The following PIK3C3 variants were observed in gnomAD, a reference collection of about 807,000 sequenced individuals.
The protein encoded by PIK3C3 is PI3-kinase type 3.
A neutral mutation model predicts 126.1 loss-of-function variants in PIK3C3; 95 were observed. That is an observed-to-expected ratio of 0.75 (90% CI 0.64 to 0.89). The LOEUF is 0.89. Among genes scored for constraint, PIK3C3 ranks in the 40% least tolerant of loss-of-function variants. PIK3C3 has a pLI of 0.00. For synonymous variants in PIK3C3, 374 were observed against 360.0 expected, an observed-to-expected ratio of 1.04 and a Z score of -0.44; for missense variants, 829 against 1,063.2, an observed-to-expected ratio of 0.78 and a Z score of 3.06.
At chr18:41,959,827 A>G (rs896360441) in intron 2 of PIK3C3, among the ~76,000 whole-genome samples, 1 of 152,194 alleles carries the variant, frequency 6.6e-6, no homozygotes, top group African/African-American at 2.4e-5. Context: ...AGACTAAGAG[A>G]AAACATTTGC....
At chr18:42,033,067 A>C (rs1215775726) in intron 15 of PIK3C3, among the ~76,000 whole-genome samples, 1 of 152,122 alleles carries the variant, frequency 6.6e-6, no homozygotes, top group Non-Finnish European at 1.5e-5. Context: ...TTTCCTTCTT[A>C]AAGAACAAAC....
intron 11 of PIK3C3, among the ~76,000 whole-genome samples, chr18:42,015,015 G>A (rs1046961849): frequency 2.6e-5 from 4 of 152,060 alleles, no homozygotes; most frequent in African/African-American, 9.7e-5. Flanking sequence ...ATTTTATGAT[G>A]GGGTGAAAAC....
chr18:41,968,913 G>A (rs189466574), intron 3 of PIK3C3, among the ~76,000 whole-genome samples: 127 of 151,948 alleles, frequency 8.4e-4, no homozygotes, highest in African/African-American at 2.7e-3. Context: ...GTCTTCCCAG[G>A]CTTAAGCAAT....
intron 11 of PIK3C3, among the ~76,000 whole-genome samples, chr18:42,014,436 CATT>C (rs750086158): frequency 1.3e-4 from 20 of 152,274 alleles, no homozygotes; most frequent in South Asian, 2.1e-4. Context: ...TGTCCACACA[CATT>C]ATCGTGTTAC....
chr18:41,975,258 A>G (rs1274366971), intron 4 of PIK3C3, among the ~76,000 whole-genome samples: 3 of 152,206 alleles, frequency 2.0e-5, no homozygotes, highest in African/African-American at 2.4e-5. Flanking sequence ...CAACCACTTC[A>G]AAGAGTCATT....
In PIK3C3 at chr18:41,962,536, G is replaced by T; in HGVS notation, c.305G>T (p.Arg102Met). ...CCAGTAAAATACCCTGACCTGCCCA[G>T]GAATGCCCAAGTGGCCCTCACCATA... ...KLPVKYPDLP[R>M]NAQVALTIWD... The change falls in exon 3 of 25, where the codon AGG becomes ATG. Residue 102 changes from arginine (R) to methionine (M), a missense_variant. Transcript: ENST00000262039. 1 of 1,613,734 alleles carries T rather than the reference G, an allele frequency of 6.2e-7. No individual in the cohort carries two copies. The highest frequency in any genetic ancestry group is 8.5e-7 in the Non-Finnish European group (1 of 1,179,716).
At chr18:41,962,442 G>GAT (rs33946724) in intron 2 of PIK3C3, 47 bp from the exon 3 acceptor site, 239 of 1,398,870 alleles carry the variant, frequency 1.7e-4, no homozygotes, top group Admixed American at 3.4e-4. Context: ...TTAAAAGAAA[G>GAT]ATATATATAT....
At position 42,064,863 on chromosome 18, in the gene PIK3C3, T is replaced by C. The variant is rs776926694; in HGVS notation, c.2523+33T>C. On this transcript the variant is annotated intron_variant, in intron 23 of 24. Coordinates refer to ENST00000262039, the MANE Select transcript of PIK3C3 (RefSeq NM_002647.4). ...TTAAGTAACATAAATGAAGAGCTCT[T>C]CTGTATAATTTTTCCATATTCCAGA... The C allele has an allele frequency of 2.1e-4, 242 of 1,141,878 alleles. 1 individual carries two copies. Among genetic ancestry groups the C allele is most frequent in the Non-Finnish European group, 1.7e-5 (13 of 755,134 alleles). 70.7% of individuals were successfully genotyped at this position (1,141,878 alleles called of 1,614,324 possible).
chr18:41,968,899 C>T lies in PIK3C3; in HGVS notation c.402-1428C>T, dbSNP rs572804392. On this transcript the variant is annotated intron_variant, in intron 3 of 24. Transcript: ENST00000262039. ...GTGGTGCAAACATGGCTCACTATAGCCTGGTCTTCCCAGGCTTAAGCAATC... is the reference window on the plus strand; with the variant it reads ...GTGGTGCAAACATGGCTCACTATAGTCTGGTCTTCCCAGGCTTAAGCAATC... 1.1e-3 allele frequency among the ~76,000 whole-genome samples: 168 copies of T among 152,048 alleles called. No homozygotes were observed. In the Middle Eastern group the frequency reaches 0.024, roughly 22 times the overall value.
At chr18:41,998,597 G>A (rs1313987989) in intron 9 of PIK3C3, among the ~76,000 whole-genome samples, 1 of 152,138 alleles carries the variant, frequency 6.6e-6, no homozygotes, top group Non-Finnish European at 1.5e-5. Flanking sequence ...ATGTTCAAGT[G>A]ATATAAAGTG....
chr18:42,005,214 A>G (rs894049112), intron 10 of PIK3C3, among the ~76,000 whole-genome samples: 14 of 152,156 alleles, frequency 9.2e-5, no homozygotes, highest in African/African-American at 3.4e-4. Context: ...CCTAGATGGT[A>G]AAGCCTACTA....
At position 42,087,411 on chromosome 18, in the gene PIK3C3, T is replaced by G. The variant is rs1986420946; in HGVS notation, c.*6274T>G. On this transcript the variant is annotated 3_prime_UTR_variant, in exon 25 of 25. Coordinates refer to ENST00000262039, the MANE Select transcript of PIK3C3 (RefSeq NM_002647.4). ...CACCCTAATCTTATGCAAATGGGCT[T>G]TCCAGTTGATTGGGTCCATCTTGTG... 2.0e-5 allele frequency: 3 copies of G among 152,172 alleles called. No homozygotes were observed. In the South Asian group the frequency reaches 6.2e-4, roughly 32 times the overall value. The allele number at this position is 152,172 out of a possible 1,614,324, so 9.4% of individuals were successfully genotyped here.
intron 10 of PIK3C3, among the ~76,000 whole-genome samples, chr18:42,005,241 ACTCCTAG>A (rs1190946053): frequency 6.6e-6 from 1 of 152,146 alleles, no homozygotes; most frequent in African/African-American, 2.4e-5. Context: ...GAGGCTGTGT[ACTCCTAG>A]GTTACAAACC....
intron 18 of PIK3C3, among the ~76,000 whole-genome samples, 173 bp downstream of exon 18, chr18:42,039,023 AGTAACTACTGATTAAT>A (rs1984188111): frequency 1.3e-5 from 2 of 152,108 alleles, no homozygotes; most frequent in South Asian, 2.1e-4. Context: ...CCTGTTTCTC[AGTAACTACTGATTAAT>A]GTAACTACTG....
chr18:42,072,596 A>G (rs892524165), intron 24 of PIK3C3, among the ~76,000 whole-genome samples: 3 of 152,152 alleles, frequency 2.0e-5, no homozygotes, highest in Non-Finnish European at 2.9e-5. Context: ...CAGTGGTACA[A>G]TAATGGTTCA....
intron 6 of PIK3C3, among the ~76,000 whole-genome samples, chr18:41,991,991 C>T (rs1394403273): frequency 6.6e-6 from 1 of 152,126 alleles, no homozygotes; most frequent in African/African-American, 2.4e-5. Context: ...ATTGCAAAAA[C>T]ATGCTAATGG....
rs534507 is a variant in PIK3C3, at chr18:42,043,978, A to G, written c.2188+161A>G. On this transcript the variant is annotated intron_variant, in intron 20 of 24. Transcript: ENST00000262039. ...TTAAAGTAGTCATTGATGCTTTGAC[A>G]TAATAGTATTAACAAGGTGTAAATT... Among the ~76,000 whole-genome samples, 150,925 of 152,354 alleles carry G rather than the reference A, an allele frequency of 0.99. 74,754 individuals are homozygous for G. The highest frequency in any genetic ancestry group is 1 in the East Asian group (5,192 of 5,192).
chr18:42,035,108 T>C (rs1469503756), intron 16 of PIK3C3, among the ~76,000 whole-genome samples: 1 of 152,202 alleles, frequency 6.6e-6, no homozygotes, highest in Non-Finnish European at 1.5e-5. Context: ...AAGTTAAAAA[T>C]ACTGGTATTA....
intron 2 of PIK3C3, 42 bp from the exon 3 acceptor site, chr18:41,962,447 A>G: frequency 1.3e-6 from 2 of 1,496,362 alleles, no homozygotes; most frequent in Admixed American, 2.0e-5. Flanking sequence ...AGAAAGATAT[A>G]TATATATGTA....
Sources: allele counts gnomAD v4.1 joint callset (sites outside exome capture counted in the v4.1 genomes callset), GRCh38; gene constraint gnomAD v4.1.1; transcripts MANE v1.5; gene names NCBI Gene and HGNC (gene_info 2026-07-23, HGNC 2026-07-21).